Variants in SLC36A1 observed in about 807,000 individuals in gnomAD.
SLC36A1 encodes solute carrier family 36 member 1, also known as proton-coupled amino acid transporter 1.
In SLC36A1, 30 loss-of-function variants were observed where a neutral mutation model predicts 47.5. The ratio of observed to expected loss-of-function variants is 0.63; its 90% CI spans 0.47 to 0.86. The LOEUF is 0.86. SLC36A1 is among the 40% of genes least tolerant of loss of function. The probability of loss-of-function intolerance (pLI) is 0.00; values close to 1 mark genes in which losing one functional copy is unlikely to be tolerated. For missense variants in SLC36A1, 517 were observed against 606.0 expected (o/e 0.85, Z 1.54); for synonymous variants, 255 against 249.7 (o/e 1.02, Z -0.20).
In SLC36A1 at chr5:151,487,920, G is replaced by A. The variant is rs528421367; in HGVS notation, c.1160-63G>A. The A allele has an allele frequency of 1.5e-5, 23 of 1,581,752 alleles. No individual in the cohort carries two copies. The Admixed American group carries it at 2.2e-4, about 15-fold the overall frequency. On this transcript the variant is annotated intron_variant, in intron 10 of 10. Transcript: ENST00000243389. ...GGACAGATGCTGAATTCGCTCAACA[G>A]TAGGGAGACAGACCTTTCCCAGCTC... is the stretch of plus-strand genomic sequence containing the variant.
At chr5:151,515,452 T>C in the SLC36A1 span, among the ~76,000 whole-genome samples, 1 of 152,140 alleles carries the variant, frequency 6.6e-6, no homozygotes, top group African/African-American at 2.4e-5. Flanking sequence ...CCTCACAACA[T>C]TAGGCTTGTC....
chr5:151,535,795 A>G, the SLC36A1 span, among the ~76,000 whole-genome samples: 3 of 152,236 alleles, frequency 2.0e-5, no homozygotes, highest in Non-Finnish European at 1.5e-5. Flanking sequence ...CACTATCTCC[A>G]GGTAGATAGT....
the SLC36A1 span, chr5:151,544,691 G>A: frequency 5.6e-6 from 9 of 1,614,142 alleles, no homozygotes; most frequent in South Asian, 1.1e-5. Context: ...CCTCCATCCC[G>A]AGCAATGACT....
chr5:151,516,290 G>C, the SLC36A1 span, among the ~76,000 whole-genome samples: 5 of 151,980 alleles, frequency 3.3e-5, no homozygotes, highest in Non-Finnish European at 5.9e-5. Context: ...TGGGTGGATC[G>C]CTTGAGGCCA....
chr5:151,549,208 T>C, the SLC36A1 span: 2 of 1,268,190 alleles, frequency 1.6e-6, no homozygotes, highest in Middle Eastern at 5.4e-4. Context: ...TGGTACTTGA[T>C]TAATTTGCGA....
the SLC36A1 span, among the ~76,000 whole-genome samples, chr5:151,539,628 A>G: frequency 6.6e-6 from 1 of 152,226 alleles, no homozygotes; most frequent in Non-Finnish European, 1.5e-5. Flanking sequence ...GAGATGTTAT[A>G]AAATTAAAAT....
At chr5:151,451,868 G>C (rs1187605435) in intron 1 of SLC36A1, among the ~76,000 whole-genome samples, 1 of 151,990 alleles carries the variant, frequency 6.6e-6, no homozygotes, top group Non-Finnish European at 1.5e-5. Flanking sequence ...TTTTAAGGAG[G>C]GTATATAATT....
chr5:151,473,406 G>C (rs1757598854), intron 7 of SLC36A1, among the ~76,000 whole-genome samples: 1 of 152,080 alleles, frequency 6.6e-6, no homozygotes, highest in Non-Finnish European at 1.5e-5. Context: ...GAAAGAATGT[G>C]ACTCTTTTTA....
the SLC36A1 span, chr5:151,378,001 T>A: frequency 4.9e-6 from 1 of 205,332 alleles, no homozygotes; most frequent in African/African-American, 2.3e-5. Flanking sequence ...GGGTCTTTAT[T>A]TAGTCCAAAT....
Position 151,464,535 on chromosome 5 carries a change from A to G in SLC36A1, c.256A>G (p.Ile86Val), listed in dbSNP as rs1482121272. ...GIVMGPISLL[I>V]IGIVAVHCMG... ...CCAGATGGGTCCCATCAGCCTGCTG[A>G]TCATAGGCATCGTGGCCGTGCACTG... Residue 86 changes from isoleucine (I) to valine (V), a missense_variant, in exon 4 of 11, where the codon ATC becomes GTC. Coordinates refer to ENST00000243389, the MANE Select transcript of SLC36A1 (RefSeq NM_078483.4). 1 of 1,613,746 alleles carries G rather than the reference A, an allele frequency of 6.2e-7. No homozygotes were observed. Among genetic ancestry groups the G allele is most frequent in the African/African-American group, 1.3e-5 (1 of 74,840 alleles).
the SLC36A1 span, among the ~76,000 whole-genome samples, chr5:151,427,711 G>A: frequency 1.3e-5 from 2 of 152,142 alleles, no homozygotes; most frequent in African/African-American, 2.4e-5. Context: ...AGTGCCATGC[G>A]TTCCAGTGGG....
chr5:151,434,869 G>T (rs557262925), upstream of SLC36A1, among the ~76,000 whole-genome samples: 1 of 152,166 alleles, frequency 6.6e-6, no homozygotes, highest in Non-Finnish European at 1.5e-5. Flanking sequence ...TTCGGTCTCC[G>T]GAACTGTGAG....
the SLC36A1 span, among the ~76,000 whole-genome samples, chr5:151,497,572 C>T: frequency 5.3e-5 from 8 of 152,170 alleles, no homozygotes; most frequent in East Asian, 1.5e-3. Context: ...ATATGCATAA[C>T]TTCTATTTTT....
At chr5:151,386,890 T>A in the SLC36A1 span, among the ~76,000 whole-genome samples, 1 of 152,208 alleles carries the variant, frequency 6.6e-6, no homozygotes, top group Non-Finnish European at 1.5e-5. Context: ...GTTGTTTGCC[T>A]CCAAAGAACC....
chr5:151,427,828 G>T, the SLC36A1 span, among the ~76,000 whole-genome samples: 13 of 152,336 alleles, frequency 8.5e-5, no homozygotes, highest in Admixed American at 7.8e-4. Flanking sequence ...AGGGATGTGG[G>T]ATAGGGTTGA....
intron 1 of SLC36A1, among the ~76,000 whole-genome samples, chr5:151,454,541 G>C (rs1754184506): frequency 6.6e-6 from 1 of 152,076 alleles, no homozygotes; most frequent in African/African-American, 2.4e-5. Flanking sequence ...AGGGATAAGG[G>C]AACAGGCTTT....
chr5:151,531,492 C>T, the SLC36A1 span: 2 of 1,507,272 alleles, frequency 1.3e-6, no homozygotes, highest in African/African-American at 2.8e-5. The surrounding 1 kb of genome is among the most constrained non-coding windows in gnomAD (Gnocchi z 5.7). Flanking sequence ...CTCTGGGAGG[C>T]GCTGCACAGG....
At chr5:151,532,923 T>C in the SLC36A1 span, among the ~76,000 whole-genome samples, 5 of 152,224 alleles carry the variant, frequency 3.3e-5, no homozygotes, top group Admixed American at 6.5e-5. Context: ...ATCCATTAAA[T>C]GCACATGCCA....
upstream of SLC36A1, among the ~76,000 whole-genome samples, chr5:151,432,799 AG>A (rs1759440425): frequency 3.9e-5 from 6 of 152,294 alleles, no homozygotes; most frequent in South Asian, 1.2e-3. Flanking sequence ...TTCAGGAAGT[AG>A]AAGCAAAAAG....
Sources: allele counts gnomAD v4.1 joint callset (sites outside exome capture counted in the v4.1 genomes callset), GRCh38; gene constraint gnomAD v4.1.1; non-coding constraint Gnocchi (gnomAD v3.1); transcripts MANE v1.5; gene names NCBI Gene and HGNC (gene_info 2026-07-23, HGNC 2026-07-21).